Variants in HMGXB3 observed in about 807,000 individuals in gnomAD.
HMGXB3 encodes HMG-box containing 3, also known as HMG domain-containing protein 3.
HMGXB3 carries 45 observed loss-of-function variants against 121.5 expected under a neutral mutation model. The observed-to-expected ratio is 0.37, with a 90% CI of 0.29 to 0.47. The LOEUF is 0.47. Among genes scored for constraint, HMGXB3 ranks in the 20% least tolerant of loss-of-function variants. The probability of loss-of-function intolerance (pLI) is 0.99; values close to 1 mark genes in which losing one functional copy is unlikely to be tolerated. For missense variants in HMGXB3, 1,376 were observed against 1,602.2 expected (o/e 0.86, Z 2.41); for synonymous variants, 590 against 624.1 (o/e 0.95, Z 0.81).
rs185863432 is a variant in HMGXB3, at chr5:150,008,505, C to T, written c.313-1606C>T. 2.6e-5 allele frequency among the ~76,000 whole-genome samples: 4 copies of T among 152,266 alleles called. No individual in the cohort carries two copies. In the East Asian group the frequency reaches 5.8e-4, roughly 22 times the overall value. On this transcript the variant is annotated intron_variant, in intron 3 of 19. Transcript: ENST00000502717. ...AAGGAAAAGTGGCATTTATTGAGTA[C>T]CTGGAATGTAGTAAGACTGAGTGAA...
At position 150,036,743 on chromosome 5, in the gene HMGXB3, G is replaced by A; in HGVS notation, c.2091G>A (p.Leu697=). 1.9e-6 allele frequency: 3 copies of A among 1,551,690 alleles called. No homozygotes were observed. The highest frequency in any genetic ancestry group is 2.6e-6 in the Non-Finnish European group (3 of 1,147,008). ...QSTLQLLRKV[L]QIPENESELA... is the part of the protein sequence containing the mutation. ...CACTGCAGCTGCTGCGCAAAGTCCTGCAGATTCCTGAGAATGAGTCAGAGC... is the reference window on the plus strand; with the variant it reads ...CACTGCAGCTGCTGCGCAAAGTCCTACAGATTCCTGAGAATGAGTCAGAGC... The change falls in exon 12 of 20, where the codon CTG becomes CTA. Residue 697 remains leucine (L), a synonymous_variant. Transcript: ENST00000502717.
chr5:150,006,233 A>G (rs928684247), intron 2 of HMGXB3, among the ~76,000 whole-genome samples: 3 of 152,234 alleles, frequency 2.0e-5, no homozygotes, highest in Admixed American at 6.5e-5. Context: ...ATAACTTATT[A>G]TAACACCATC....
chr5:150,028,561 T>TATATA (rs1554099010), intron 9 of HMGXB3, among the ~76,000 whole-genome samples: 164 of 15,292 alleles, frequency 0.011, 1 homozygote, highest in South Asian at 0.029. Context: ...ATATATATAT[T>TATATA]TTTTTTTTTT....
In HMGXB3 at chr5:150,040,843, A is replaced by C; in HGVS notation, c.2509A>C (p.Ile837Leu). 1 of 1,551,696 alleles carries C rather than the reference A, an allele frequency of 6.4e-7. No homozygotes were observed. The highest frequency in any genetic ancestry group is 8.7e-7 in the Non-Finnish European group (1 of 1,146,960). Residue 837 changes from isoleucine to leucine, a missense_variant, in exon 14 of 20, where the codon ATC becomes CTC. Physicochemically the swap from Ile to Leu is conservative, Grantham distance 5. Coordinates refer to ENST00000502717, the MANE Select transcript of HMGXB3 (RefSeq NM_014983.3). ...IKLGEDPRVS[I>L]NVVLKSVQEQ... The stretch of plus-strand genomic sequence containing the variant: ...GCTCGGAGAGGACCCCAGAGTGTCC[A>C]TCAATGTTGTTCTGAAGTCGGTGCA...
chr5:150,042,060 C>G (rs61405698), intron 15 of HMGXB3, 91 bp downstream of exon 15: 1 of 1,059,966 alleles, frequency 9.4e-7, no homozygotes, highest in Admixed American at 2.3e-5. Context: ...GGGTGGATAG[C>G]TCCAGTCCTG....
chr5:150,038,832 T>C (rs1326221448), intron 13 of HMGXB3, among the ~76,000 whole-genome samples: 7 of 152,226 alleles, frequency 4.6e-5, no homozygotes, highest in Non-Finnish European at 2.9e-5. Context: ...ACAGGTTGTT[T>C]AGCTGTTCCC....
At chr5:150,024,805 C>G (rs1254275902) in intron 7 of HMGXB3, 125 bp downstream of exon 7, 3 of 807,596 alleles carry the variant, frequency 3.7e-6, no homozygotes, top group Non-Finnish European at 5.6e-6. Context: ...TTTAGAGATA[C>G]AGAAACCAAG....
At chr5:150,008,120 A>G (rs1755751254) in intron 3 of HMGXB3, among the ~76,000 whole-genome samples, 1 of 151,722 alleles carries the variant, frequency 6.6e-6, no homozygotes, top group African/African-American at 2.4e-5. Context: ...CTTTTTGTGC[A>G]TGATAAAATC....
intron 6 of HMGXB3, 104 bp from the exon 7 acceptor site, chr5:150,024,156 TAG>T: frequency 1.1e-6 from 1 of 913,910 alleles, no homozygotes. Context: ...TCATGGACCT[TAG>T]TTTCCTTATT....
At position 150,032,520 on chromosome 5, in the gene HMGXB3, A is replaced by C; in HGVS notation, c.1900A>C (p.Thr634Pro). 6.4e-7 allele frequency: 1 copy of C among 1,552,034 alleles called. No individual in the cohort carries two copies. The highest frequency in any genetic ancestry group is 1.2e-5 in the South Asian group (1 of 84,060). The change falls in exon 11 of 20, where the codon ACC becomes CCC. Residue 634 changes from threonine to proline, a missense_variant. Thr to Pro is a conservative substitution (Grantham distance 38). Coordinates refer to ENST00000502717, the MANE Select transcript of HMGXB3 (RefSeq NM_014983.3). The part of the protein sequence containing the change: ...CKNPSCSYVY[T>P]NRHKPRICPS... The stretch of plus-strand genomic sequence containing the variant: ...GAATCCCTCTTGTAGCTATGTCTAC[A>C]CCAACAGGCACAAACCTCGAATTTG...
intron 6 of HMGXB3, among the ~76,000 whole-genome samples, chr5:150,022,160 A>G (rs776976964): frequency 9.9e-5 from 15 of 152,184 alleles, no homozygotes; most frequent in African/African-American, 3.1e-4. Context: ...AGTTCTTCCA[A>G]TGTGGCCCAG....
chr5:150,015,716 A>G (rs1020965401), intron 5 of HMGXB3, among the ~76,000 whole-genome samples: 1 of 152,154 alleles, frequency 6.6e-6, no homozygotes, highest in Non-Finnish European at 1.5e-5. Context: ...TTTCTAATTT[A>G]CTTCTTTGAC....
At chr5:150,001,705 C>G (rs1436378055) in intron 1 of HMGXB3, among the ~76,000 whole-genome samples, 22 of 152,090 alleles carry the variant, frequency 1.4e-4, no homozygotes, top group Admixed American at 1.4e-3. Context: ...ACTGCTGCCT[C>G]GAGTCTGATA....
At chr5:150,021,159 A>G (rs1316299193) in intron 6 of HMGXB3, among the ~76,000 whole-genome samples, 1 of 152,206 alleles carries the variant, frequency 6.6e-6, no homozygotes, top group East Asian at 1.9e-4. Flanking sequence ...TGTGTTCTGC[A>G]AGGATTACCA....
rs1756241747 is a variant in HMGXB3 at position 150,026,814 on chromosome 5, C to T, written c.1569C>T (p.Ala523=). 6.5e-7 allele frequency: 1 copy of T among 1,545,786 alleles called. No individual in the cohort carries two copies. The highest frequency in any genetic ancestry group is 1.2e-5 in the South Asian group (1 of 83,146). ...AARPMRAILP[A]PVNVGRGSSM... ...GACCCATGAGAGCAATTTTGCCAGC[C>T]CCAGTTAACGTGGGGCGAGGCAGCA... The change falls in exon 8 of 20, where the codon GCC becomes GCT. Residue 523 remains alanine, a synonymous_variant. Transcript: ENST00000502717.
At chr5:150,040,989 G>T (rs1756619104) in intron 14 of HMGXB3, 110 bp downstream of exon 14, 4 of 1,077,078 alleles carry the variant, frequency 3.7e-6, no homozygotes, top group Non-Finnish European at 5.1e-6. Flanking sequence ...TGATTATTTT[G>T]AAAAGGAGAC....
At chr5:150,025,683 T>A (rs1756212436) in intron 7 of HMGXB3, among the ~76,000 whole-genome samples, 1 of 152,066 alleles carries the variant, frequency 6.6e-6, no homozygotes, top group South Asian at 2.1e-4. Flanking sequence ...TCTTCCCACC[T>A]CAGCCTCTGG....
Position 150,050,272 on chromosome 5 carries a change from T to C in HMGXB3, c.3222T>C (p.Tyr1074=). Residue 1074 remains tyrosine, a synonymous_variant, in exon 19 of 20, where the codon TAT becomes TAC. Transcript: ENST00000502717. ...CPHQVVCGSK[Y]LVRGESARDH... The stretch of plus-strand genomic sequence containing the variant: ...CCCAGGTGGTCTGCGGCTCCAAGTA[T>C]CTTGTGCGAGGTGAGAGTGCCCGTG... 4 of 1,551,842 alleles carry C rather than the reference T, an allele frequency of 2.6e-6. No homozygotes were observed. The highest frequency in any genetic ancestry group is 3.5e-6 in the Non-Finnish European group (4 of 1,146,992).
chr5:150,041,211 C>T (rs960261607), intron 14 of HMGXB3, among the ~76,000 whole-genome samples: 1 of 152,204 alleles, frequency 6.6e-6, no homozygotes, highest in East Asian at 1.9e-4. Context: ...CTTCCAGTCC[C>T]AAGGCTCATG....
Sources: gnomAD v4.1 joint callset for allele counts (sites outside exome capture counted in the v4.1 genomes callset) on GRCh38, gnomAD v4.1.1 for gene constraint, MANE v1.5 for transcripts, NCBI Gene and HGNC (gene_info 2026-07-23, HGNC 2026-07-21) for gene names.